The following CASKIN1 variants were observed in gnomAD, a reference collection of about 807,000 sequenced individuals.
The protein encoded by CASKIN1 is CASK interacting protein 1.
Under a neutral mutation model 117.5 loss-of-function variants are expected in CASKIN1, and 42 were observed. The observed-to-expected ratio is 0.36, with a 90% confidence interval of 0.28 to 0.46. The LOEUF (loss-of-function observed/expected upper bound fraction) is 0.46. Among genes scored for constraint, CASKIN1 ranks in the 20% least tolerant of loss-of-function variants. The probability of loss-of-function intolerance (pLI) is 1.00; values close to 1 mark genes in which losing one functional copy is unlikely to be tolerated. For missense variants in CASKIN1, 2,083 were observed against 2,077.3 expected (o/e 1.00, Z -0.05); for synonymous variants, 1,148 against 961.7 (o/e 1.19, Z -3.59).
rs1386039553 is a variant in CASKIN1, at chr16:2,179,180, C to A, written c.3921G>T (p.Pro1307=). 6.2e-6 allele frequency: 7 copies of A among 1,120,790 alleles called. No homozygotes were observed. The South Asian group carries it at 2.6e-4, about 41-fold the overall frequency. 69.4% of individuals were successfully genotyped at this position (1,120,790 alleles called of 1,614,324 possible). The change falls in exon 19 of 20, where the codon CCG becomes CCT. Residue 1307 remains proline, a synonymous_variant. Coordinates refer to ENST00000343516, the MANE Select transcript of CASKIN1 (RefSeq NM_020764.4). This position sits in a 1 kb window ranked among gnomAD's most constrained non-coding sequence, Gnocchi z 5.8. ...CGGGCGGCTTGGCGAGGGCGGCGGG[C>A]GGCTGTCGCGCGGGCGAGGGTGCGG... is the stretch of plus-strand genomic sequence containing the variant. ...PSPAPSPARQ[P]PAALAKPPGT...
intron 14 of CASKIN1, 116 bp from the exon 15 acceptor site, chr16:2,184,057 T>C (rs2093176391): frequency 3.1e-6 from 2 of 652,670 alleles, no homozygotes; most frequent in African/African-American, 3.7e-5. Flanking sequence ...CGCCGTCCGC[T>C]GCTCCATCTG....
chr16:2,180,601 G>A lies in CASKIN1; in HGVS notation c.2767C>T (p.Pro923Ser). 6.4e-7 allele frequency: 1 copy of A among 1,573,038 alleles called. No individual in the cohort carries two copies. Among genetic ancestry groups the A allele is most frequent in the Non-Finnish European group, 8.6e-7 (1 of 1,166,766 alleles). ...TTGACGTTCTTGTCGGCACCTGCGGGCGCCCTCACTGAGTGGCTGCGGCCC... is the reference window on the plus strand; with the variant it reads ...TTGACGTTCTTGTCGGCACCTGCGGACGCCCTCACTGAGTGGCTGCGGCCC... ...RVGRSHSVRA[P>S]AGADKNVNRS... Residue 923 changes from proline to serine, a missense_variant, in exon 18 of 20, where the codon CCC (proline) becomes TCC (serine). Pro to Ser is a moderately conservative substitution (Grantham distance 74). Coordinates refer to ENST00000343516, the MANE Select transcript of CASKIN1 (RefSeq NM_020764.4).
In CASKIN1 at chr16:2,178,319, G is replaced by A. The variant is rs1008380948; in HGVS notation, c.*231C>T. The stretch of plus-strand genomic sequence containing the variant: ...GCAGGAGGCCCAGCAGGTATTGCAC[G>A]GGGAGCAGCAGGTGGGGAGGACCCG... On this transcript the variant is annotated 3_prime_UTR_variant, in exon 20 of 20. Transcript: ENST00000343516. 1.6e-5 allele frequency: 7 copies of A among 443,048 alleles called. No homozygotes were observed. The highest frequency in any genetic ancestry group is 1.1e-4 in the African/African-American group (5 of 46,742). 27.4% of individuals were successfully genotyped at this position (443,048 alleles called of 1,614,324 possible).
At chr16:2,193,169 C>T (rs1159505773) in intron 1 of CASKIN1, among the ~76,000 whole-genome samples, 1 of 152,084 alleles carries the variant, frequency 6.6e-6, no homozygotes, top group Non-Finnish European at 1.5e-5. Context: ...AGGCACGCAC[C>T]ACCACTCCTG....
In CASKIN1 at chr16:2,184,700, G is replaced by A. The variant is rs1209085188; in HGVS notation, c.1416+77C>T. The A allele has an allele frequency of 7.8e-6, 10 of 1,286,232 alleles. No homozygotes were observed. The Admixed American group carries it at 1.3e-4, about 17-fold the overall frequency. The allele number at this position is 1,286,232 out of a possible 1,614,324, so 79.7% of individuals were successfully genotyped here. ...CCGCCGCTGCCAGGCCAGGCAGGCC[G>A]TGTAAGCACCCATCAGCCCATCGGC... On this transcript the variant is annotated intron_variant, in intron 14 of 19. Coordinates refer to ENST00000343516, the MANE Select transcript of CASKIN1 (RefSeq NM_020764.4).
At position 2,179,196 on chromosome 16, in the gene CASKIN1, G is replaced by C; in HGVS notation, c.3905C>G (p.Ser1302Trp). The C allele has an allele frequency of 8.7e-7, 1 of 1,150,360 alleles. No homozygotes were observed. The highest frequency in any genetic ancestry group is 1.1e-6 in the Non-Finnish European group (1 of 935,870). 71.3% of individuals were successfully genotyped at this position (1,150,360 alleles called of 1,614,324 possible). A position where few individuals can be genotyped will look rare whatever the true frequency, so the allele number is the denominator to read the frequency against. The change falls in exon 19 of 20, where the codon TCG becomes TGG. Residue 1302 changes from serine to tryptophan, a missense_variant. By Grantham distance (177) the Ser-to-Trp change is radical (BLOSUM62 -3). This residue lies in a region of CASKIN1 where 1,818 missense variants were observed against 1,688.9 expected (regional missense o/e 1.08). Transcript: ENST00000343516. The surrounding 1 kb of genome is among the most constrained non-coding windows in gnomAD (Gnocchi z 5.8). ...SGSAGPSPAP[S>W]PARQPPAALA... ...GGCGGCGGGCGGCTGTCGCGCGGGCGAGGGTGCGGGTGAAGGGCCGGCGCT... is the reference window on the plus strand; with the variant it reads ...GGCGGCGGGCGGCTGTCGCGCGGGCCAGGGTGCGGGTGAAGGGCCGGCGCT...
At position 2,184,812 on chromosome 16, in the gene CASKIN1, G is replaced by T; in HGVS notation, c.1381C>A (p.Pro461Thr). Residue 461 changes from proline to threonine, a missense_variant, in exon 14 of 20, where the codon CCG (proline) becomes ACG (threonine). Pro to Thr is a conservative substitution (Grantham distance 38). Around this residue, in one of 3 missense-constraint regions of CASKIN1, gnomAD observed 1,818 missense variants for 1,688.9 expected, o/e 1.08. Transcript: ENST00000343516. The stretch of plus-strand genomic sequence containing the variant: ...GATGCTGGCTCCAGCTTCTTGGGCG[G>T]CTGCTCCCCATAGACCTGCCCGGCG... Reference protein sequence around the residue: ...AHAGQVYGEQPPKKLEPASEG... With the variant: ...AHAGQVYGEQTPKKLEPASEG... 6.5e-7 allele frequency: 1 copy of T among 1,539,692 alleles called. No homozygotes were observed. Among genetic ancestry groups the T allele is most frequent in the Non-Finnish European group, 8.8e-7 (1 of 1,142,710 alleles).
rs2093216164 is a variant in CASKIN1 at position 2,196,392 on chromosome 16, T to C, written c.41A>G (p.Glu14Gly). The C allele has an allele frequency of 4.4e-6, 6 of 1,369,514 alleles. No homozygotes were observed. Among genetic ancestry groups the C allele is most frequent in the Non-Finnish European group, 4.8e-6 (5 of 1,048,318 alleles). 84.8% of individuals were successfully genotyped at this position (1,369,514 alleles called of 1,614,324 possible). A position where few individuals can be genotyped will look rare whatever the true frequency, so the allele number is the denominator to read the frequency against. ...CAGCCTCTGCGCGGTCCCTACGTCC[T>C]CCGCCTTCACCGCCTGCACCAGCTC... ...EQELVQAVKAEDVGTAQRLLQ... is the reference protein window; with the variant it reads ...EQELVQAVKAGDVGTAQRLLQ... Residue 14 changes from glutamate to glycine, a missense_variant, in exon 1 of 20, where the codon GAG becomes GGG. Physicochemically the swap from Glu to Gly is moderately conservative, Grantham distance 98. Around this residue, in one of 3 missense-constraint regions of CASKIN1, gnomAD observed 62 missense variants for 49.7 expected, o/e 1.25. Coordinates refer to ENST00000343516, the MANE Select transcript of CASKIN1 (RefSeq NM_020764.4). The surrounding 1 kb of genome is among the most constrained non-coding windows in gnomAD (Gnocchi z 5.7).
In CASKIN1 at chr16:2,183,658, A is replaced by C. The variant is rs766796078; in HGVS notation, c.1617T>G (p.Pro539=). Residue 539 remains proline (P), a synonymous_variant, in exon 16 of 20, where the codon CCT becomes CCG. Transcript: ENST00000343516. Reference sequence around the variant, plus strand: ...CAGGTGGCCTTACGGGTTTGTGCTCAGGCAGCCAGTCAGGGATGCTTAGGC... The same window carrying C: ...CAGGTGGCCTTACGGGTTTGTGCTCCGGCAGCCAGTCAGGGATGCTTAGGC... ...ISGLSIPDWL[P]EHKPANLAVW... 9 of 1,613,112 alleles carry C rather than the reference A, an allele frequency of 5.6e-6. No individual in the cohort carries two copies. In the South Asian group the frequency reaches 8.8e-5, roughly 16 times the overall value.
rs571063256 is a variant in CASKIN1, at chr16:2,186,049, G to A, written c.1049-641C>T. ...CAGGCTGGTGCAATCTTCGCTCACT[G>A]TAGCCTCCACTTCCCAGGCTCAAGC... On this transcript the variant is annotated intron_variant, in intron 10 of 19. Coordinates refer to ENST00000343516, the MANE Select transcript of CASKIN1 (RefSeq NM_020764.4). Among the ~76,000 whole-genome samples the A allele has an allele frequency of 2.0e-3, 305 of 152,158 alleles. 1 individual carries two copies. Among genetic ancestry groups the A allele is most frequent in the African/African-American group, 6.0e-3 (251 of 41,516 alleles).
chr16:2,179,829 C>G lies in CASKIN1; in HGVS notation c.3539G>C (p.Arg1180Pro). 1 of 1,596,382 alleles carries G rather than the reference C, an allele frequency of 6.3e-7. No individual in the cohort carries two copies. The highest frequency in any genetic ancestry group is 8.5e-7 in the Non-Finnish European group (1 of 1,173,366). The change falls in exon 18 of 20, where the codon CGA (arginine) becomes CCA (proline). Residue 1180 changes from arginine (R) to proline (P), a missense_variant. This residue lies in a region of CASKIN1 where 1,818 missense variants were observed against 1,688.9 expected (regional missense o/e 1.08). Coordinates refer to ENST00000343516, the MANE Select transcript of CASKIN1 (RefSeq NM_020764.4). This position sits in a 1 kb window ranked among gnomAD's most constrained non-coding sequence, Gnocchi z 5.8. ...YHNGTGTVRR[R>P]PASEQAGPPE... Reference sequence around the variant, plus strand: ...AGGCCCAGCCTGCTCCGAGGCCGGTCGGCGGCGCACGGTGCCAGTGCCATT... The same window carrying G: ...AGGCCCAGCCTGCTCCGAGGCCGGTGGGCGGCGCACGGTGCCAGTGCCATT...
chr16:2,181,520 G>T lies in CASKIN1; in HGVS notation c.1848C>A (p.Gly616=). 1.2e-6 allele frequency: 2 copies of T among 1,606,738 alleles called. No individual in the cohort carries two copies. Among genetic ancestry groups the T allele is most frequent in the South Asian group, 1.1e-5 (1 of 90,424 alleles). Residue 616 remains glycine, a synonymous_variant, in exon 18 of 20, where the codon GGC becomes GGA. Coordinates refer to ENST00000343516, the MANE Select transcript of CASKIN1 (RefSeq NM_020764.4). ...ACTGGGGCGCCTTCCGGCGCAGGGG[G>T]CCCCCCTCATACTTGGCGTATTCAG... ...QKAEYAKYEG[G]PLRRKAPQSL...
intron 1 of CASKIN1, among the ~76,000 whole-genome samples, chr16:2,195,181 G>T (rs942437026): frequency 3.3e-5 from 5 of 152,222 alleles, no homozygotes; most frequent in African/African-American, 1.2e-4. Context: ...AGGCACCGGT[G>T]CCCCCTCTCT....
At position 2,181,438 on chromosome 16, in the gene CASKIN1, A is replaced by T. The variant is rs986406188; in HGVS notation, c.1930T>A (p.Cys644Ser). The change falls in exon 18 of 20, where the codon TGC becomes AGC. Residue 644 changes from cysteine to serine, a missense_variant. By Grantham distance (112) the Cys-to-Ser change is moderately radical. Transcript: ENST00000343516. Reference protein sequence around the residue: ...PPPPEPTPADCQSPKMTTFQD... With the variant: ...PPPPEPTPADSQSPKMTTFQD... The stretch of plus-strand genomic sequence containing the variant: ...AAGGTGGTCATTTTAGGGGACTGGC[A>T]GTCGGCCGGTGTGGGCTCAGGCGGG... 4 of 1,612,208 alleles carry T rather than the reference A, an allele frequency of 2.5e-6. No individual in the cohort carries two copies. Among genetic ancestry groups the T allele is most frequent in the Non-Finnish European group, 3.4e-6 (4 of 1,179,820 alleles).
Position 2,187,394 on chromosome 16 carries a change from C to A in CASKIN1, c.685G>T (p.Ala229Ser). Residue 229 changes from alanine to serine, a missense_variant, in exon 7 of 20, where the codon GCG (alanine) becomes TCG (serine). This residue lies in a region of CASKIN1 where 203 missense variants were observed against 338.7 expected (regional missense o/e 0.60). Coordinates refer to ENST00000343516, the MANE Select transcript of CASKIN1 (RefSeq NM_020764.4). ...TKSGTALHEAALCGKTEVVRL... is the reference protein window; with the variant it reads ...TKSGTALHEASLCGKTEVVRL... ...ACCACCTCTGTCTTTCCGCAGAGCG[C>A]AGCCTCGTGCAGGGCCGTGCCGGAC... The A allele has an allele frequency of 6.2e-7, 1 of 1,612,012 alleles. No individual in the cohort carries two copies. Among genetic ancestry groups the A allele is most frequent in the Non-Finnish European group, 8.5e-7 (1 of 1,179,846 alleles).
rs919958761 is a variant in CASKIN1 at position 2,196,273 on chromosome 16, G to T, written c.94+66C>A. 3.0e-6 allele frequency: 2 copies of T among 666,208 alleles called. No individual in the cohort carries two copies. Among genetic ancestry groups the T allele is most frequent in the South Asian group, 6.6e-5 (1 of 15,184 alleles). The allele number at this position is 666,208 out of a possible 1,614,324, so 41.3% of individuals were successfully genotyped here. A position where few individuals can be genotyped will look rare whatever the true frequency, so the allele number is the denominator to read the frequency against. On this transcript the variant is annotated intron_variant, in intron 1 of 19. Coordinates refer to ENST00000343516, the MANE Select transcript of CASKIN1 (RefSeq NM_020764.4). This position sits in a 1 kb window ranked among gnomAD's most constrained non-coding sequence, Gnocchi z 5.7. ...GTCCCCTCCCCGCCCGGCGCCGGGT[G>T]GGGGGCTCCGCGCCGGGGAGGGGCC... is the stretch of plus-strand genomic sequence containing the variant.
chr16:2,180,373 C>G lies in CASKIN1; in HGVS notation c.2995G>C (p.Gly999Arg). 1 of 1,592,570 alleles carries G rather than the reference C, an allele frequency of 6.3e-7. No homozygotes were observed. Among genetic ancestry groups the G allele is most frequent in the Non-Finnish European group, 8.5e-7 (1 of 1,176,222 alleles). ...LAGSVDTGSA[G>R]SVKSIAAMLE... is the part of the protein sequence containing the mutation. ...ATGGCCGCGATGCTCTTCACACTGC[C>G]GGCACTACCCGTGTCCACGCTGCCG... The change falls in exon 18 of 20, where the codon GGC (glycine) becomes CGC (arginine). Residue 999 changes from glycine (G) to arginine (R), a missense_variant. Physicochemically the swap from Gly to Arg is moderately radical, Grantham distance 125 (BLOSUM62 -2). Transcript: ENST00000343516.
Position 2,187,679 on chromosome 16 carries a change from T to A in CASKIN1, c.618-218A>T, listed in dbSNP as rs547960272. Among the ~76,000 whole-genome samples the A allele has an allele frequency of 3.3e-5, 5 of 152,260 alleles. No individual in the cohort carries two copies. In the South Asian group the frequency reaches 1.0e-3, roughly 32 times the overall value. ...CCTTGTCGCCCAGGCTGGAGTGCAA[T>A]GGTGCGATCTCGGCTCACTACAGCC... On this transcript the variant is annotated intron_variant, in intron 6 of 19. Transcript: ENST00000343516.
rs769544976 is a variant in CASKIN1, at chr16:2,180,831, G to A, written c.2537C>T (p.Pro846Leu). ...LPQPVEGEVG[P>L]AAPGPAPPPV... ...TGGGGGCGCAGGCCCCGGGGCAGCC[G>A]GCCCCACCTCGCCCTCCACGGGCTG... The change falls in exon 18 of 20, where the codon CCG (proline) becomes CTG (leucine). Residue 846 changes from proline (P) to leucine (L), a missense_variant. By Grantham distance (98) the Pro-to-Leu change is moderately conservative. Coordinates refer to ENST00000343516, the MANE Select transcript of CASKIN1 (RefSeq NM_020764.4). 6.5e-6 allele frequency: 9 copies of A among 1,391,084 alleles called. 1 individual carries two copies. In the Admixed American group the frequency reaches 1.1e-4, roughly 17 times the overall value. 86.2% of individuals were successfully genotyped at this position (1,391,084 alleles called of 1,614,324 possible).
Sources: gnomAD v4.1 joint callset for allele counts (sites outside exome capture counted in the v4.1 genomes callset) on GRCh38, gnomAD v4.1.1 for gene constraint, gnomAD v4.1.1 regional missense constraint, Gnocchi (gnomAD v3.1) non-coding constraint, MANE v1.5 for transcripts, NCBI Gene and HGNC (gene_info 2026-07-23, HGNC 2026-07-21) for gene names.